Variants in PLXDC2 observed in about 807,000 individuals in gnomAD.
PLXDC2 encodes the protein plexin domain-containing protein 2.
In PLXDC2, 40 loss-of-function variants were observed where a neutral mutation model predicts 68.9. That is an observed-to-expected ratio of 0.58 (90% CI 0.45 to 0.76). The LOEUF (loss-of-function observed/expected upper bound fraction) is 0.76. Among genes scored for constraint, PLXDC2 ranks in the 30% least tolerant of loss-of-function variants. PLXDC2 has a pLI of 0.00. For synonymous variants in PLXDC2, 243 were observed against 234.2 expected (o/e 1.04, Z -0.34); for missense variants, 644 against 661.9 (o/e 0.97, Z 0.30).
chr10:20,142,840 C>T (rs899461214), intron 4 of PLXDC2, among the ~76,000 whole-genome samples: 7 of 151,706 alleles, frequency 4.6e-5, no homozygotes, highest in African/African-American at 1.7e-4. Flanking sequence ...TGCATTTTAC[C>T]AGATGTCGTT....
intron 1 of PLXDC2, among the ~76,000 whole-genome samples, chr10:19,995,034 C>T (rs143850573): frequency 2.4e-4 from 37 of 152,188 alleles, no homozygotes; most frequent in African/African-American, 8.2e-4. Context: ...TGAGCCACAG[C>T]GCCAGGCCTC....
chr10:19,857,986 C>A (rs1361707235), intron 1 of PLXDC2, among the ~76,000 whole-genome samples: 1 of 152,126 alleles, frequency 6.6e-6, no homozygotes, highest in Admixed American at 6.6e-5. Flanking sequence ...GTTTGACTTA[C>A]ATAAATATGT....
chr10:20,098,077 TG>T (rs1045127683), intron 4 of PLXDC2, among the ~76,000 whole-genome samples: 1 of 151,826 alleles, frequency 6.6e-6, no homozygotes, highest in African/African-American at 2.4e-5. Context: ...GTTTTATTTG[TG>T]GGGGGCGGTA....
intron 13 of PLXDC2, among the ~76,000 whole-genome samples, chr10:20,269,742 G>T (rs553615713): frequency 1.3e-5 from 2 of 152,286 alleles, no homozygotes; most frequent in East Asian, 3.9e-4. Flanking sequence ...TTTGGGCCTG[G>T]CATGATGGCT....
rs766739658 is a variant in PLXDC2, at chr10:20,001,872, C to T, written c.210C>T (p.Asp70=). 1.1e-5 allele frequency: 17 copies of T among 1,613,868 alleles called. No individual in the cohort carries two copies. The Admixed American group carries it at 2.7e-4, about 25-fold the overall frequency. The change falls in exon 2 of 14, where the codon GAC becomes GAT. Residue 70 remains aspartate (D), a synonymous_variant. Transcript: ENST00000377252. ...AYSHRWKRNL[D]FLKAVDTNRA... ...GCCACAGGTGGAAAAGAAACTTGGA[C>T]TTTCTCAAGGCGGTAGACACGAACC... is the stretch of plus-strand genomic sequence containing the variant.
intron 6 of PLXDC2, among the ~76,000 whole-genome samples, chr10:20,163,586 G>A (rs957566781): frequency 6.6e-6 from 1 of 151,982 alleles, no homozygotes; most frequent in African/African-American, 2.4e-5. Context: ...GACGTTTTCG[G>A]TGCATTTATT....
chr10:20,079,814 A>C (rs948246718), intron 4 of PLXDC2, among the ~76,000 whole-genome samples: 4 of 152,184 alleles, frequency 2.6e-5, no homozygotes, highest in African/African-American at 7.2e-5. Flanking sequence ...GGAGAACATT[A>C]GGACAAATAC....
intron 4 of PLXDC2, among the ~76,000 whole-genome samples, chr10:20,091,435 C>T (rs916543517): frequency 6.6e-6 from 1 of 152,184 alleles, no homozygotes; most frequent in Non-Finnish European, 1.5e-5. Context: ...TCTTCACCTT[C>T]CCCTCTCCAC....
intron 2 of PLXDC2, among the ~76,000 whole-genome samples, chr10:20,026,955 TATATAGA>T: frequency 1.8e-4 from 1 of 5,530 alleles, no homozygotes; most frequent in African/African-American, 6.3e-4. Flanking sequence ...TATATTCTAA[TATATAGA>T]ATACACTTTT....
intron 4 of PLXDC2, among the ~76,000 whole-genome samples, chr10:20,079,915 C>T (rs1836521081): frequency 6.6e-6 from 1 of 152,046 alleles, no homozygotes; most frequent in African/African-American, 2.4e-5. Flanking sequence ...CAAACCTGCA[C>T]ATTCCGCACA....
chr10:19,907,593 A>C (rs907818814), intron 1 of PLXDC2, among the ~76,000 whole-genome samples: 1 of 152,236 alleles, frequency 6.6e-6, no homozygotes, highest in African/African-American at 2.4e-5. Flanking sequence ...AGCAATGGCA[A>C]CATACCATAC....
At chr10:20,238,747 A>G (rs556439864) in intron 12 of PLXDC2, among the ~76,000 whole-genome samples, 22 of 144,110 alleles carry the variant, frequency 1.5e-4, no homozygotes, top group South Asian at 8.6e-4. Flanking sequence ...ATATGTGTGT[A>G]TATATATATA....
intron 2 of PLXDC2, among the ~76,000 whole-genome samples, chr10:20,012,335 G>T (rs201316630): frequency 0.74 from 20,512 of 27,712 alleles, 7,958 homozygotes; most frequent in South Asian, 0.87. Context: ...TTTTTTTTTT[G>T]GAGAAGGAGA....
chr10:20,071,508 A>G (rs1836315192), intron 4 of PLXDC2, among the ~76,000 whole-genome samples: 1 of 152,062 alleles, frequency 6.6e-6, no homozygotes, highest in African/African-American at 2.4e-5. Flanking sequence ...AGATCTGATG[A>G]TTTTATAAAG....
At chr10:20,181,760 A>T (rs969783736) in intron 9 of PLXDC2, among the ~76,000 whole-genome samples, 13 of 152,018 alleles carry the variant, frequency 8.6e-5, no homozygotes, top group Non-Finnish European at 1.8e-4. Flanking sequence ...GACACAGATG[A>T]CTCTGTAAGC....
intron 1 of PLXDC2, among the ~76,000 whole-genome samples, chr10:19,956,353 T>A (rs1379399883): frequency 2.0e-5 from 3 of 152,214 alleles, no homozygotes; most frequent in Non-Finnish European, 4.4e-5. Context: ...ATTGACTGCA[T>A]GTTAAAATGA....
At chr10:19,949,529 A>G (rs943412676) in intron 1 of PLXDC2, among the ~76,000 whole-genome samples, 1 of 152,216 alleles carries the variant, frequency 6.6e-6, no homozygotes, top group Non-Finnish European at 1.5e-5. Flanking sequence ...GAAATGTGAT[A>G]AACAAGATTA....
At chr10:19,948,750 C>T (rs1295609868) in intron 1 of PLXDC2, among the ~76,000 whole-genome samples, 1 of 152,056 alleles carries the variant, frequency 6.6e-6, no homozygotes, top group African/African-American at 2.4e-5. Flanking sequence ...AAGAACTTGA[C>T]TTTAAAAATT....
chr10:20,281,845 A>G lies in PLXDC2; in HGVS notation c.*2026A>G, dbSNP rs1836085885. 1 of 152,120 alleles carries G rather than the reference A, an allele frequency of 6.6e-6. No individual in the cohort carries two copies. The highest frequency in any genetic ancestry group is 6.6e-5 in the Admixed American group (1 of 15,256). 9.4% of individuals were successfully genotyped at this position (152,120 alleles called of 1,614,324 possible). A position where few individuals can be genotyped will look rare whatever the true frequency, so the allele number is the denominator to read the frequency against. On this transcript the variant is annotated 3_prime_UTR_variant, in exon 14 of 14. Transcript: ENST00000377252. ...CAAATGCATAAGGAACACATAGACG[A>G]CTTCCTTTTAGGATAAAATGATGCT...
Sources: allele counts gnomAD v4.1 joint callset (sites outside exome capture counted in the v4.1 genomes callset), GRCh38; gene constraint gnomAD v4.1.1; transcripts MANE v1.5; gene names NCBI Gene and HGNC (gene_info 2026-07-23, HGNC 2026-07-21).